The following BOC variants were observed in gnomAD, a reference collection of about 807,000 sequenced individuals.
The protein encoded by BOC is brother of CDO.
BOC carries 76 observed loss-of-function variants against 112.0 expected under a neutral mutation model. The observed-to-expected ratio is 0.68, with a 90% CI of 0.56 to 0.82. BOC has a LOEUF of 0.82. Among genes scored for constraint, BOC ranks in the 40% least tolerant of loss-of-function variants. The pLI is 0.00. For synonymous variants in BOC, 580 were observed against 599.8 expected, an observed-to-expected ratio of 0.97 and a Z score of 0.48; for missense variants, 1,309 against 1,511.7, an observed-to-expected ratio of 0.87 and a Z score of 2.22.
intron 2 of BOC, among the ~76,000 whole-genome samples, chr3:113,241,155 T>C (rs1944237424): frequency 6.6e-6 from 1 of 152,346 alleles, no homozygotes; most frequent in Admixed American, 6.5e-5. Flanking sequence ...GGAAGGTAGA[T>C]GTCACTGGCC....
chr3:113,278,293 C>T lies in BOC; in HGVS notation c.1705+36C>T, dbSNP rs760036799. The T allele has an allele frequency of 1.8e-5, 29 of 1,609,414 alleles. No homozygotes were observed. The highest frequency in any genetic ancestry group is 1.7e-4 in the Middle Eastern group (1 of 6,058). Reference sequence around the variant, plus strand: ...AACATTGCCCCTTGCTTAGGGTTTCCGTGGGTCTAAGCAAGTTCCACTGGC... The same window carrying T: ...AACATTGCCCCTTGCTTAGGGTTTCTGTGGGTCTAAGCAAGTTCCACTGGC... On this transcript the variant is annotated intron_variant, in intron 10 of 19. Transcript: ENST00000682979. The surrounding 1 kb of genome is among the most constrained non-coding windows in gnomAD (Gnocchi z 4.2).
At chr3:113,266,756 TAA>T (rs1399415575) in intron 4 of BOC, among the ~76,000 whole-genome samples, 1 of 152,222 alleles carries the variant, frequency 6.6e-6, no homozygotes, top group Admixed American at 6.5e-5. Context: ...TCCACGCCCC[TAA>T]AGAGTTCATA....
intron 4 of BOC, among the ~76,000 whole-genome samples, chr3:113,264,461 T>C (rs1256937093): frequency 1.3e-5 from 2 of 152,198 alleles, no homozygotes; most frequent in East Asian, 3.8e-4. Context: ...TATTTGTAAT[T>C]GAAGGGCCTG....
In BOC at chr3:113,286,893, A is replaced by G. The variant is rs754893583; in HGVS notation, c.*31A>G. 1.4e-5 allele frequency: 21 copies of G among 1,470,706 alleles called. No homozygotes were observed. The highest frequency in any genetic ancestry group is 1.8e-5 in the Non-Finnish European group (20 of 1,104,166). 91.1% of individuals were successfully genotyped at this position (1,470,706 alleles called of 1,614,324 possible). A position where few individuals can be genotyped will look rare whatever the true frequency, so the allele number is the denominator to read the frequency against. On this transcript the variant is annotated 3_prime_UTR_variant, in exon 20 of 20. Coordinates refer to ENST00000682979, the MANE Select transcript of BOC (RefSeq NM_001378074.1). ...AGCTGATATCCCAGAAAGACTATAT[A>G]TTGTTTTTTTTTTAAAAAAAAAAAG...
chr3:113,270,693 G>A (rs1385091735), intron 5 of BOC, 108 bp from the exon 6 acceptor site: 2 of 1,324,544 alleles, frequency 1.5e-6, no homozygotes, highest in Non-Finnish European at 1.0e-6. Flanking sequence ...AGCTCCTAGT[G>A]CCTGCCCAGC....
intron 6 of BOC, chr3:113,271,308 C>A: frequency 2.2e-6 from 1 of 458,842 alleles, no homozygotes; most frequent in South Asian, 1.7e-5. Context: ...AACAGATGGC[C>A]ACGTGGGAGG....
chr3:113,252,488 G>A (rs1333785096), intron 4 of BOC, among the ~76,000 whole-genome samples: 1 of 152,158 alleles, frequency 6.6e-6, no homozygotes, highest in Non-Finnish European at 1.5e-5. Flanking sequence ...GGTCCTTGGG[G>A]TGGGTGAAGC....
chr3:113,283,676 TG>T lies in BOC; in HGVS notation c.2656+49del, dbSNP rs985393727. On this transcript the variant is annotated intron_variant, in intron 16 of 19. Transcript: ENST00000682979. Reference sequence around the variant, plus strand: ...CAGTGGGAGGATCCTGGGTGGGAAATGGGGGCTCCACTAAGGAGGCCTCTGC... The same window carrying T: ...CAGTGGGAGGATCCTGGGTGGGAAATGGGGCTCCACTAAGGAGGCCTCTGC... 3.8e-6 allele frequency: 6 copies of T among 1,570,954 alleles called. No homozygotes were observed. The East Asian group carries it at 9.0e-5, about 24-fold the overall frequency.
At chr3:113,221,309 G>C (rs1940597107) in intron 2 of BOC, among the ~76,000 whole-genome samples, 1 of 152,158 alleles carries the variant, frequency 6.6e-6, no homozygotes, top group African/African-American at 2.4e-5. Flanking sequence ...AGGTGGGAGA[G>C]CCCACTGATA....
intron 6 of BOC, chr3:113,271,344 A>G (rs1464300365): frequency 2.4e-6 from 1 of 412,610 alleles, no homozygotes; most frequent in Non-Finnish European, 4.9e-6. Context: ...TCTGCCCTAT[A>G]TGAGGTCCCT....
In BOC at chr3:113,233,148, G is replaced by GGGTGTGTGT. The variant is rs75678874; in HGVS notation, c.-81-16573_-81-16572insGTGTGTGTG. Among the ~76,000 whole-genome samples, 917 of 124,036 alleles carry GGGTGTGTGT rather than the reference G, an allele frequency of 7.4e-3. 10 individuals carry two copies. Among genetic ancestry groups the GGGTGTGTGT allele is most frequent in the Non-Finnish European group, 0.011 (675 of 60,250 alleles). 81.4% of individuals were successfully genotyped at this position (124,036 alleles called of 152,430 possible). ...CATGCATGAGCATGTAAAGGATTGG[G>GGGTGTGTGT]GTGTGTGTGTGTGTGTGTGTGTGTG... On this transcript the variant is annotated intron_variant, in intron 2 of 19. Coordinates refer to ENST00000682979, the MANE Select transcript of BOC (RefSeq NM_001378074.1).
chr3:113,226,021 C>T (rs763525367), intron 2 of BOC, among the ~76,000 whole-genome samples: 32 of 152,256 alleles, frequency 2.1e-4, no homozygotes, highest in Non-Finnish European at 4.3e-4. Context: ...GACTGGCTTC[C>T]GTGGATACAC....
At chr3:113,238,420 A>T (rs947189112) in intron 2 of BOC, among the ~76,000 whole-genome samples, 1 of 152,198 alleles carries the variant, frequency 6.6e-6, no homozygotes, top group African/African-American at 2.4e-5. Flanking sequence ...AAAAAAAATC[A>T]TAATTCCTCC....
chr3:113,257,548 T>A (rs1004218392), intron 4 of BOC, among the ~76,000 whole-genome samples: 1 of 152,008 alleles, frequency 6.6e-6, no homozygotes, highest in Non-Finnish European at 1.5e-5. Context: ...ATAAAACCTA[T>A]GTCTTGATTT....
chr3:113,275,497 A>G (rs528853688), intron 9 of BOC, among the ~76,000 whole-genome samples: 2 of 152,390 alleles, frequency 1.3e-5, no homozygotes, highest in African/African-American at 4.8e-5. Context: ...ATTCCCTGTA[A>G]GAAAATGTCC....
chr3:113,273,003 C>A, intron 7 of BOC, 66 bp from the exon 8 acceptor site: 4 of 1,542,522 alleles, frequency 2.6e-6, no homozygotes, highest in Non-Finnish European at 3.5e-6. Context: ...CTACATCCCT[C>A]CCAGCCCATC....
chr3:113,222,369 C>T (rs957963048), intron 2 of BOC, among the ~76,000 whole-genome samples: 1 of 152,026 alleles, frequency 6.6e-6, no homozygotes, highest in Non-Finnish European at 1.5e-5. Context: ...GAAATAATTA[C>T]ATATAGATTT....
At chr3:113,221,877 T>C (rs915985565) in intron 2 of BOC, among the ~76,000 whole-genome samples, 4 of 151,940 alleles carry the variant, frequency 2.6e-5, no homozygotes, top group Non-Finnish European at 4.4e-5. Context: ...AGGCCTCCCT[T>C]CCCCCCTTGC....
chr3:113,250,793 GGGGGCTGT>G lies in BOC; in HGVS notation c.339_346del (p.Ala114GlnfsTer23), dbSNP rs1330227891. Reference sequence around the variant, plus strand: ...ACCAGTGTGTGGCCCGGATGCCTGCGGGGGCTGTGGCCAGCGTGCCAGCCACTGTGACA... The same window carrying G: ...ACCAGTGTGTGGCCCGGATGCCTGCGGGCCAGCGTGCCAGCCACTGTGACA... On this transcript the variant is annotated frameshift_variant, in exon 4 of 20. Coordinates refer to ENST00000682979, the MANE Select transcript of BOC (RefSeq NM_001378074.1). LOFTEE classifies it high-confidence loss of function. The G allele has an allele frequency of 6.2e-6, 10 of 1,613,918 alleles. No homozygotes were observed. The highest frequency in any genetic ancestry group is 8.5e-6 in the Non-Finnish European group (10 of 1,180,014).
Sources: gnomAD v4.1 joint callset for allele counts (sites outside exome capture counted in the v4.1 genomes callset) on GRCh38, gnomAD v4.1.1 for gene constraint, Gnocchi (gnomAD v3.1) non-coding constraint, MANE v1.5 for transcripts, NCBI Gene and HGNC (gene_info 2026-07-23, HGNC 2026-07-21) for gene names.